The following GLB1L3 variants were observed in gnomAD, a reference collection of about 807,000 sequenced individuals.
The protein encoded by GLB1L3 is galactosidase beta 1 like 3.
In GLB1L3, 89 loss-of-function variants were observed where a neutral mutation model predicts 89.5. The ratio of observed to expected loss-of-function variants is 0.99; its 90% CI spans 0.84 to 1.19. The LOEUF is 1.19. GLB1L3 is among the 50% of genes most tolerant of loss of function. The probability of loss-of-function intolerance (pLI) is 0.00; values close to 1 mark genes in which losing one functional copy is unlikely to be tolerated. For missense variants in GLB1L3, 812 were observed against 813.3 expected (o/e 1.00, Z 0.02); for synonymous variants, 314 against 312.3 (o/e 1.01, Z -0.06).
intron 3 of GLB1L3, among the ~76,000 whole-genome samples, chr11:134,279,281 C>A (rs1248167637): frequency 6.6e-6 from 1 of 151,758 alleles, no homozygotes; most frequent in Admixed American, 6.6e-5. Flanking sequence ...TGGTTATTAA[C>A]TCATGTCCTC....
At chr11:134,280,331 A>G (rs1456852523) in intron 3 of GLB1L3, among the ~76,000 whole-genome samples, 1 of 152,158 alleles carries the variant, frequency 6.6e-6, no homozygotes, top group African/African-American at 2.4e-5. Flanking sequence ...TGTTTCATGC[A>G]TTTTAAATTT....
chr11:134,309,690 T>A lies in GLB1L3; in HGVS notation c.1026T>A (p.His342Gln). The A allele has an allele frequency of 6.2e-7, 1 of 1,613,122 alleles. No individual in the cohort carries two copies. The highest frequency in any genetic ancestry group is 1.3e-5 in the African/African-American group (1 of 75,026). ...YEISFNVYMF[H>Q]GGTNFGFMNG... ...TCTCCTTCAATGTATATATGTTCCATGGTGGAACCAACTTTGGTTTCATGA... is the reference window on the plus strand; with the variant it reads ...TCTCCTTCAATGTATATATGTTCCAAGGTGGAACCAACTTTGGTTTCATGA... Residue 342 changes from histidine to glutamine, a missense_variant, in exon 11 of 20, where the codon CAT (histidine) becomes CAA (glutamine). Transcript: ENST00000431683.
intron 14 of GLB1L3, 66 bp from the exon 15 acceptor site, chr11:134,312,750 C>T: frequency 7.4e-7 from 1 of 1,345,192 alleles, no homozygotes; most frequent in South Asian, 1.2e-5. Flanking sequence ...TCTCCCGAAA[C>T]CGCGGCCTCT....
intron 18 of GLB1L3, among the ~76,000 whole-genome samples, chr11:134,316,245 G>T (rs1942974322): frequency 6.7e-6 from 1 of 149,434 alleles, no homozygotes. Context: ...TAAATTTATT[G>T]TATTTATTTT....
In GLB1L3 at chr11:134,288,823, C is replaced by T. The variant is rs989291395; in HGVS notation, c.662C>T (p.Ala221Val). 9 of 1,613,162 alleles carry T rather than the reference C, an allele frequency of 5.6e-6. No homozygotes were observed. The highest frequency in any genetic ancestry group is 4.0e-5 in the African/African-American group (3 of 74,830). ...TACCGCCAGGCAGGCCCTGTCATCG[C>T]GGTGCAAGTGGAGAATGAGTATGGC... The part of the protein sequence containing the change: ...LQYRQAGPVI[A>V]VQVENEYGSF... The change falls in exon 7 of 20, where the codon GCG becomes GTG. Residue 221 changes from alanine (A) to valine (V), a missense_variant. By Grantham distance (64) the Ala-to-Val change is moderately conservative (BLOSUM62 0). This residue lies in a region of GLB1L3 where 618 missense variants were observed against 604.0 expected (regional missense o/e 1.02). Transcript: ENST00000431683.
At chr11:134,285,640 G>A (rs368197063) in intron 6 of GLB1L3, among the ~76,000 whole-genome samples, 3 of 152,026 alleles carry the variant, frequency 2.0e-5, no homozygotes, top group African/African-American at 4.8e-5. Context: ...ACAAAAATTC[G>A]AGAGCGTGGT....
the GLB1L3 span, among the ~76,000 whole-genome samples, chr11:134,324,690 G>A: frequency 1.3e-5 from 2 of 151,970 alleles, no homozygotes; most frequent in African/African-American, 4.8e-5. Flanking sequence ...ATTTGAGGTG[G>A]CAAGAATCCC....
At position 134,312,409 on chromosome 11, in the gene GLB1L3, C is replaced by T. The variant is rs753796724; in HGVS notation, c.1348C>T (p.Gln450Ter). ...ENLPINNGSG[Q>*]SYGLVLYEKS... is the part of the protein sequence containing the mutation. ...CCTTCCCATAAACAATGGGAGCGGCCAGTCCTACGGGCTTGTCCTGTATGA... is the reference window on the plus strand; with the variant it reads ...CCTTCCCATAAACAATGGGAGCGGCTAGTCCTACGGGCTTGTCCTGTATGA... Residue 450 changes from glutamine to a stop codon, truncating the protein, a stop_gained, in exon 14 of 20, where the codon CAG becomes TAG. Transcript: ENST00000431683. LOFTEE classifies it high-confidence loss of function. 22 of 1,613,694 alleles carry T rather than the reference C, an allele frequency of 1.4e-5. No homozygotes were observed. Among genetic ancestry groups the T allele is most frequent in the Non-Finnish European group, 6.8e-6 (8 of 1,179,888 alleles).
intron 9 of GLB1L3, among the ~76,000 whole-genome samples, chr11:134,296,255 T>C (rs2136160994): frequency 7.1e-6 from 1 of 140,946 alleles, no homozygotes; most frequent in Admixed American, 7.3e-5. Flanking sequence ...GACTGTAAAC[T>C]AGTTCAACCA....
chr11:134,276,669 C>G lies in GLB1L3; in HGVS notation c.-72C>G, dbSNP rs918267890. On this transcript the variant is annotated 5_prime_UTR_variant, in exon 1 of 20. Coordinates refer to ENST00000431683, the MANE Select transcript of GLB1L3 (RefSeq NM_001080407.3). ...CGGAACCGGGGCTCGAGTCCCGGCC[C>G]GAGCGCGGCGTCGGGGCCAGCGGAG... 71 of 1,322,348 alleles carry G rather than the reference C, an allele frequency of 5.4e-5. No individual in the cohort carries two copies. The highest frequency in any genetic ancestry group is 6.9e-5 in the Admixed American group (2 of 28,882). The allele number at this position is 1,322,348 out of a possible 1,614,324, so 81.9% of individuals were successfully genotyped here. A position where few individuals can be genotyped will look rare whatever the true frequency, so the allele number is the denominator to read the frequency against.
intron 17 of GLB1L3, 52 bp downstream of exon 17, chr11:134,314,080 G>A (rs544500802): frequency 8.4e-7 from 1 of 1,186,152 alleles, no homozygotes; most frequent in Non-Finnish European, 1.2e-6. Flanking sequence ...GGAACTCAGA[G>A]ATTTCAGATT....
intron 9 of GLB1L3, among the ~76,000 whole-genome samples, chr11:134,298,658 T>A (rs1941779421): frequency 6.6e-6 from 1 of 152,202 alleles, no homozygotes; most frequent in Admixed American, 6.5e-5. Context: ...CACTTTTACT[T>A]CTTTTTCATT....
downstream of GLB1L3, among the ~76,000 whole-genome samples, chr11:134,322,792 G>A (rs1363995563): frequency 6.6e-6 from 1 of 152,088 alleles, no homozygotes; most frequent in African/African-American, 2.4e-5. Context: ...TGGATACATA[G>A]CATTTTGTTT....
chr11:134,312,185 G>T, intron 13 of GLB1L3, 164 bp from the exon 14 acceptor site: 1 of 695,530 alleles, frequency 1.4e-6, no homozygotes. Flanking sequence ...TTCCTGGGCA[G>T]TGGAGACGTA....
At chr11:134,286,864 C>CA (rs1246701842) in intron 6 of GLB1L3, among the ~76,000 whole-genome samples, 1 of 151,364 alleles carries the variant, frequency 6.6e-6, no homozygotes, top group Non-Finnish European at 1.5e-5. Flanking sequence ...AACATTTATA[C>CA]AAAATTAATG....
intron 3 of GLB1L3, 56 bp from the exon 4 acceptor site, chr11:134,281,321 A>G: frequency 6.2e-7 from 1 of 1,607,010 alleles, no homozygotes; most frequent in Non-Finnish European, 8.5e-7. Context: ...CAGACCTAAC[A>G]ATTTGGAGGA....
At chr11:134,286,682 CAGG>C (rs1383624053) in intron 6 of GLB1L3, among the ~76,000 whole-genome samples, 1 of 150,844 alleles carries the variant, frequency 6.6e-6, no homozygotes, top group East Asian at 2.0e-4. Flanking sequence ...GAGGCTGAGG[CAGG>C]AGAATGACGT....
intron 10 of GLB1L3, among the ~76,000 whole-genome samples, chr11:134,308,528 ACC>A (rs1163013407): frequency 4.0e-5 from 3 of 75,440 alleles, no homozygotes; most frequent in East Asian, 3.6e-4. Flanking sequence ...CATGTCCACC[ACC>A]ACTACCACCA....
At position 134,310,943 on chromosome 11, in the gene GLB1L3, C is replaced by T. The variant is rs139368938; in HGVS notation, c.1181-121C>T. On this transcript the variant is annotated intron_variant, in intron 12 of 19. Coordinates refer to ENST00000431683, the MANE Select transcript of GLB1L3 (RefSeq NM_001080407.3). ...GTTACTCTTTGTAAAGCTCTTATAC[C>T]ATGGATGACATAGTAACCCCCAATA... 228 of 727,558 alleles carry T rather than the reference C, an allele frequency of 3.1e-4. 1 individual carries two copies. In the African/African-American group the frequency reaches 3.6e-3, roughly 11 times the overall value. The allele number at this position is 727,558 out of a possible 1,614,324, so 45.1% of individuals were successfully genotyped here.
Sources: allele counts gnomAD v4.1 joint callset (sites outside exome capture counted in the v4.1 genomes callset), GRCh38; gene constraint gnomAD v4.1.1; regional missense constraint gnomAD v4.1.1; transcripts MANE v1.5; gene names NCBI Gene and HGNC (gene_info 2026-07-23, HGNC 2026-07-21).